Variants in TPPP observed in about 807,000 individuals in gnomAD.
The protein encoded by TPPP is tubulin polymerization promoting protein, also known as tubulin polymerization-promoting protein.
Under a neutral mutation model 15.5 loss-of-function variants are expected in TPPP, and 6 were observed. The ratio of observed to expected loss-of-function variants is 0.39; its 90% CI spans 0.21 to 0.77. The LOEUF is 0.77. Ranked by LOEUF, TPPP falls within the 30% of genes least tolerant of loss-of-function variation. The pLI, the probability that TPPP is intolerant of heterozygous loss-of-function variation, is 0.42. For missense variants in TPPP, 269 were observed against 307.2 expected (o/e 0.88, Z 0.93); for synonymous variants, 146 against 133.9 (o/e 1.09, Z -0.63).
chr5:686,003 C>T (rs1740756639), intron 1 of TPPP, among the ~76,000 whole-genome samples: 1 of 152,178 alleles, frequency 6.6e-6, no homozygotes, highest in African/African-American at 2.4e-5. Flanking sequence ...ATGGAGGTGC[C>T]AACAGGGCTC....
chr5:675,984 C>T (rs900718275), intron 2 of TPPP: 44 of 152,206 alleles, frequency 2.9e-4, no homozygotes, highest in African/African-American at 9.6e-4. Context: ...AGCTCGCACC[C>T]GGGGCCCTGG....
Position 675,488 on chromosome 5 carries a change from A to AGTGTGGCCGGGGGTG in TPPP, c.311+2261_311+2262insCACCCCCGGCCACAC, listed in dbSNP as rs1740396678. Among the ~76,000 whole-genome samples, 3 of 26,214 alleles carry AGTGTGGCCGGGGGTG rather than the reference A, an allele frequency of 1.1e-4. No individual in the cohort carries two copies. In the African/African-American group the frequency reaches 1.3e-3, roughly 12 times the overall value. The allele number at this position is 26,214 out of a possible 152,430, so 17.2% of individuals were successfully genotyped here. A position where few individuals can be genotyped will look rare whatever the true frequency, so the allele number is the denominator to read the frequency against. On this transcript the variant is annotated intron_variant, in intron 2 of 3. Coordinates refer to ENST00000360578, the MANE Select transcript of TPPP (RefSeq NM_007030.3). ...CAGGGGGTGCAGTGTGGCCAGGGGT[A>AGTGTGGCCGGGGGTG]CATTGTGGCCGGGGCTGCAGTGTGA... is the stretch of plus-strand genomic sequence containing the variant.
At chr5:679,313 C>G (rs1740552432) in intron 1 of TPPP, among the ~76,000 whole-genome samples, 1 of 151,166 alleles carries the variant, frequency 6.6e-6, no homozygotes, top group Non-Finnish European at 1.5e-5. Flanking sequence ...CCCACTCACC[C>G]CTTTCCCTGG....
chr5:666,038 T>G lies in TPPP; in HGVS notation c.397A>C (p.Ser133Arg). ...LAKKRFKDKSSEEAVREVHRL... is the reference protein window; with the variant it reads ...LAKKRFKDKSREEAVREVHRL... The stretch of plus-strand genomic sequence containing the variant: ...TGCACCTCGCGAACGGCCTCCTCGC[T>G]GCTCTTGTCTTTGAATCGCTTCTTG... Residue 133 changes from serine (S) to arginine (R), a missense_variant, in exon 3 of 4, where the codon AGC becomes CGC. Coordinates refer to ENST00000360578, the MANE Select transcript of TPPP (RefSeq NM_007030.3). 1 of 1,610,228 alleles carries G rather than the reference T, an allele frequency of 6.2e-7. No homozygotes were observed. Among genetic ancestry groups the G allele is most frequent in the Non-Finnish European group, 8.5e-7 (1 of 1,178,906 alleles).
intron 2 of TPPP, among the ~76,000 whole-genome samples, chr5:675,324 G>A (rs72707038): frequency 0.17 from 14,252 of 84,828 alleles, 1,828 homozygotes; most frequent in South Asian, 0.26. Flanking sequence ...CAGTGTGGCC[G>A]GGGGTGCAGT....
At chr5:682,934 C>A (rs1308908890) in intron 1 of TPPP, among the ~76,000 whole-genome samples, 2 of 152,170 alleles carry the variant, frequency 1.3e-5, no homozygotes, top group African/African-American at 4.8e-5. Context: ...CAGCTCATCA[C>A]CCCTCCCTGG....
upstream of TPPP, among the ~76,000 whole-genome samples, chr5:696,360 G>A (rs1296215868): frequency 7.2e-6 from 1 of 138,418 alleles, no homozygotes; most frequent in African/African-American, 2.5e-5. Context: ...GAGGCCAAGT[G>A]TGAGGATGCC....
chr5:669,258 T>TC (rs1274270102), intron 2 of TPPP, among the ~76,000 whole-genome samples: 1 of 145,648 alleles, frequency 6.9e-6, no homozygotes, highest in South Asian at 2.3e-4. Flanking sequence ...TCCAGCAGCA[T>TC]CCCCCAGGGG....
At chr5:668,253 G>A (rs76951189) in intron 2 of TPPP, among the ~76,000 whole-genome samples, 5 of 49,120 alleles carry the variant, frequency 1.0e-4, no homozygotes, top group African/African-American at 3.3e-4. Flanking sequence ...TCAGGGAAGT[G>A]CGGACAAGCA....
At chr5:670,787 C>T (rs1013776585) in intron 2 of TPPP, among the ~76,000 whole-genome samples, 43 of 152,332 alleles carry the variant, frequency 2.8e-4, no homozygotes, top group African/African-American at 9.4e-4. Context: ...CAACGTTTCC[C>T]GGGGCCGACA....
chr5:681,042 T>C (rs904474607), intron 1 of TPPP, among the ~76,000 whole-genome samples: 2 of 152,126 alleles, frequency 1.3e-5, no homozygotes, highest in South Asian at 2.1e-4. Context: ...ACATTTAATT[T>C]TGAGAGAACA....
intron 2 of TPPP, among the ~76,000 whole-genome samples, chr5:666,388 G>T (rs1739915112): frequency 6.6e-6 from 1 of 152,256 alleles, no homozygotes. Flanking sequence ...TGCTGGGGCA[G>T]TGCCGGAGGC....
intron 2 of TPPP, among the ~76,000 whole-genome samples, chr5:673,359 C>G (rs1313580729): frequency 2.0e-5 from 3 of 152,090 alleles, no homozygotes; most frequent in East Asian, 3.9e-4. Flanking sequence ...GAGGGGAGTC[C>G]AAGCTGCAGG....
intron 1 of TPPP, among the ~76,000 whole-genome samples, chr5:686,851 C>T (rs370566133): frequency 1.2e-4 from 17 of 142,510 alleles, no homozygotes; most frequent in East Asian, 3.9e-4. Flanking sequence ...CTATGGGGGC[C>T]AGGCTCCTGG....
chr5:678,441 C>T (rs1233472157), intron 1 of TPPP, among the ~76,000 whole-genome samples: 3 of 144,140 alleles, frequency 2.1e-5, no homozygotes, highest in African/African-American at 8.7e-5. Flanking sequence ...CGGGTCCCCT[C>T]CCCGCCGCAG....
chr5:669,279 G>A (rs1740096302), intron 2 of TPPP, among the ~76,000 whole-genome samples: 1 of 74,620 alleles, frequency 1.3e-5, no homozygotes, highest in Non-Finnish European at 2.8e-5. Context: ...GCGCTGGTGA[G>A]CCCGGTGAGC....
upstream of TPPP, among the ~76,000 whole-genome samples, chr5:696,292 CG>C (rs1741010072): frequency 7.9e-6 from 1 of 126,438 alleles, no homozygotes; most frequent in African/African-American, 3.0e-5. Flanking sequence ...GACAGAGGCA[CG>C]GGGAGCGGGG....
At chr5:693,566 C>T (rs1209720734), upstream of TPPP, among the ~76,000 whole-genome samples, 1 of 151,686 alleles carries the variant, frequency 6.6e-6, no homozygotes, top group African/African-American at 2.4e-5. Context: ...TGCTCAGGCC[C>T]CGCGGACCGC....
chr5:686,570 G>A, intron 1 of TPPP, among the ~76,000 whole-genome samples: 1 of 137,952 alleles, frequency 7.2e-6, no homozygotes, highest in Non-Finnish European at 1.5e-5. Flanking sequence ...AACCAGGGCA[G>A]CTCTGGGCCA....
Sources: gnomAD v4.1 joint callset for allele counts (sites outside exome capture counted in the v4.1 genomes callset) on GRCh38, gnomAD v4.1.1 for gene constraint, MANE v1.5 for transcripts, NCBI Gene and HGNC (gene_info 2026-07-23, HGNC 2026-07-21) for gene names.